The following CADM1 variants were observed in gnomAD, a reference collection of about 807,000 sequenced individuals.
CADM1 encodes the protein cell adhesion molecule 1.
A neutral mutation model predicts 53.1 loss-of-function variants in CADM1; 15 were observed. That is an observed-to-expected ratio of 0.28 (90% CI 0.19 to 0.44). CADM1 has a LOEUF of 0.44. Among genes scored for constraint, CADM1 ranks in the 20% least tolerant of loss-of-function variants. The pLI, the probability that CADM1 is intolerant of heterozygous loss-of-function variation, is 1.00. For missense variants in CADM1, 434 were observed against 611.3 expected (o/e 0.71, Z 3.06); for synonymous variants, 281 against 243.0 (o/e 1.16, Z -1.45).
chr11:115,479,014 A>G (rs982751569), intron 1 of CADM1, among the ~76,000 whole-genome samples: 1 of 152,154 alleles, frequency 6.6e-6, no homozygotes. Flanking sequence ...GTGCACTTGT[A>G]AAACTATGTC....
intron 1 of CADM1, among the ~76,000 whole-genome samples, chr11:115,419,798 G>A (rs1303243657): frequency 6.6e-6 from 1 of 152,122 alleles, no homozygotes; most frequent in African/African-American, 2.4e-5. Flanking sequence ...TCAGGAAGTG[G>A]CTGATGTCCA....
At chr11:115,418,058 C>T (rs1205643136) in intron 1 of CADM1, among the ~76,000 whole-genome samples, 1 of 152,072 alleles carries the variant, frequency 6.6e-6, no homozygotes, top group South Asian at 2.1e-4. Context: ...TTCAACTTGA[C>T]GTGAAGAAAA....
At chr11:115,209,431 T>C (rs758861664) in intron 8 of CADM1, 143 bp downstream of exon 8, 181 of 1,205,372 alleles carry the variant, frequency 1.5e-4, no homozygotes, top group South Asian at 1.9e-4. Flanking sequence ...CTTAAGAACA[T>C]AGTATCTAAT....
chr11:115,488,679 G>C (rs892307069), intron 1 of CADM1, among the ~76,000 whole-genome samples: 7 of 152,116 alleles, frequency 4.6e-5, no homozygotes, highest in African/African-American at 1.7e-4. Context: ...AAGACCAAAA[G>C]GAAACCTACT....
At chr11:115,401,117 A>C (rs1947141367) in intron 1 of CADM1, among the ~76,000 whole-genome samples, 4 of 152,200 alleles carry the variant, frequency 2.6e-5, no homozygotes, top group Admixed American at 2.6e-4. Context: ...AGGTGAATCA[A>C]TAAACAAACT....
chr11:115,220,240 T>C (rs1042438239), intron 5 of CADM1, among the ~76,000 whole-genome samples: 1 of 152,116 alleles, frequency 6.6e-6, no homozygotes, highest in Non-Finnish European at 1.5e-5. Flanking sequence ...GGATTTTACA[T>C]GCTCAACTTC....
rs1223917715 is a variant in CADM1, at chr11:115,347,007, T to C, written c.125-106587A>G. Among the ~76,000 whole-genome samples, 3 of 152,142 alleles carry C rather than the reference T, an allele frequency of 2.0e-5. No homozygotes were observed. The East Asian group carries it at 5.8e-4, about 29-fold the overall frequency. On this transcript the variant is annotated intron_variant, in intron 1 of 11. Transcript: ENST00000331581. ...AAGGTGAAAGAGACAGAACGAAATT[T>C]AGAGTACCTAAACTAAATAAGCATA...
At chr11:115,327,360 T>C (rs549153623) in intron 1 of CADM1, among the ~76,000 whole-genome samples, 34 of 152,298 alleles carry the variant, frequency 2.2e-4, no homozygotes, top group Admixed American at 5.9e-4. Flanking sequence ...AGGCTGGCAC[T>C]TGCGGGATGC....
intron 1 of CADM1, among the ~76,000 whole-genome samples, chr11:115,331,284 T>C (rs1270491856): frequency 1.3e-5 from 2 of 152,166 alleles, no homozygotes; most frequent in Non-Finnish European, 1.5e-5. Flanking sequence ...CTCACTAACA[T>C]TATGTTCAGT....
intron 1 of CADM1, among the ~76,000 whole-genome samples, chr11:115,263,542 G>A (rs1943038650): frequency 6.6e-6 from 1 of 152,078 alleles, no homozygotes; most frequent in African/African-American, 2.4e-5. Flanking sequence ...AAATTCTTCT[G>A]TAAGGAAGAC....
intron 1 of CADM1, among the ~76,000 whole-genome samples, chr11:115,297,902 C>T (rs111595067): frequency 5.3e-5 from 8 of 152,318 alleles, no homozygotes; most frequent in Middle Eastern, 3.4e-3. Context: ...ACAGCCAAAA[C>T]GGCAGAGCTA....
At position 115,399,685 on chromosome 11, in the gene CADM1, C is replaced by T. The variant is rs112214494; in HGVS notation, c.124+104586G>A. Among the ~76,000 whole-genome samples the T allele has an allele frequency of 5.5e-3, 834 of 152,186 alleles. 5 individuals carry two copies. Among genetic ancestry groups the T allele is most frequent in the African/African-American group, 0.019 (799 of 41,498 alleles). On this transcript the variant is annotated intron_variant, in intron 1 of 11. Transcript: ENST00000331581. ...CATCTTTCAATTTTTCAAAGCCATC[C>T]TCATTCTTTTTTTAACAGAGTATTT...
chr11:115,503,076 C>T (rs895070111), intron 1 of CADM1, among the ~76,000 whole-genome samples: 41 of 152,176 alleles, frequency 2.7e-4, no homozygotes, highest in Non-Finnish European at 1.0e-4. Flanking sequence ...CACTCGGTCC[C>T]GGCGCCCGCC....
intron 1 of CADM1, among the ~76,000 whole-genome samples, chr11:115,438,363 GTAT>G (rs1948229977): frequency 6.6e-6 from 1 of 152,098 alleles, no homozygotes; most frequent in Non-Finnish European, 1.5e-5. Context: ...GGCAGCAGCA[GTAT>G]AATGCTGACA....
intron 1 of CADM1, among the ~76,000 whole-genome samples, chr11:115,256,001 G>C (rs551630657): frequency 2.0e-5 from 3 of 152,184 alleles, no homozygotes; most frequent in Admixed American, 6.5e-5. Flanking sequence ...GTTCACAAGC[G>C]GTAGCACCCT....
At chr11:115,372,440 T>C (rs2135128065) in intron 1 of CADM1, among the ~76,000 whole-genome samples, 1 of 152,280 alleles carries the variant, frequency 6.6e-6, no homozygotes, top group Middle Eastern at 3.4e-3. Context: ...GCTCCCCCAC[T>C]TATAAGATGT....
chr11:115,204,350 G>A (rs774551670), intron 8 of CADM1, among the ~76,000 whole-genome samples: 19 of 152,122 alleles, frequency 1.2e-4, no homozygotes, highest in Admixed American at 2.6e-4. Flanking sequence ...CTGTGCCACC[G>A]AATCACCCCA....
chr11:115,252,304 G>T (rs1942630399), intron 1 of CADM1, among the ~76,000 whole-genome samples: 1 of 152,168 alleles, frequency 6.6e-6, no homozygotes, highest in South Asian at 2.1e-4. Context: ...GCTAAATAGA[G>T]AACTATGACC....
intron 1 of CADM1, among the ~76,000 whole-genome samples, chr11:115,263,185 G>A (rs1190243250): frequency 6.6e-6 from 1 of 152,222 alleles, no homozygotes; most frequent in South Asian, 2.1e-4. Context: ...ATCGGTCAAG[G>A]TGATGTATGC....
Sources: gnomAD v4.1 joint callset for allele counts (sites outside exome capture counted in the v4.1 genomes callset) on GRCh38, gnomAD v4.1.1 for gene constraint, MANE v1.5 for transcripts, NCBI Gene and HGNC (gene_info 2026-07-23, HGNC 2026-07-21) for gene names.